The following COG5 variants were observed in gnomAD, a reference collection of about 807,000 sequenced individuals.
COG5 encodes the protein component of oligomeric golgi complex 5, also known as conserved oligomeric Golgi complex subunit 5.
A neutral mutation model predicts 110.4 loss-of-function variants in COG5; 86 were observed. The ratio of observed to expected loss-of-function variants is 0.78; its 90% CI spans 0.65 to 0.93. COG5 has a LOEUF of 0.93. Among genes scored for constraint, COG5 ranks in the 40% least tolerant of loss-of-function variants. The pLI is 0.00. For synonymous variants in COG5, 360 were observed against 334.6 expected (o/e 1.08, Z -0.83); for missense variants, 1,077 against 987.0 (o/e 1.09, Z -1.22).
chr7:107,209,821 CA>C, intron 21 of COG5: 4 of 985,420 alleles, frequency 4.1e-6, no homozygotes, highest in Non-Finnish European at 4.8e-6. Context: ...TATGAGTTTA[CA>C]GAAGGAAATG....
intron 8 of COG5, among the ~76,000 whole-genome samples, chr7:107,369,673 G>A (rs1813950954): frequency 6.6e-6 from 1 of 152,138 alleles, no homozygotes; most frequent in African/African-American, 2.4e-5. Context: ...ACAGGCATGA[G>A]CCAACACGCC....
intron 12 of COG5, among the ~76,000 whole-genome samples, chr7:107,297,281 C>G (rs1806833758): frequency 6.6e-6 from 1 of 152,012 alleles, no homozygotes; most frequent in South Asian, 2.1e-4. Flanking sequence ...TATAATAACT[C>G]TATGCATAGC....
intron 7 of COG5, among the ~76,000 whole-genome samples, chr7:107,406,920 A>T (rs1274202149): frequency 6.6e-6 from 1 of 152,194 alleles, no homozygotes; most frequent in East Asian, 1.9e-4. Flanking sequence ...ATGACATTGC[A>T]CTCCCTGAAA....
In COG5 at chr7:107,536,045, A is replaced by G. The variant is rs1378889416; in HGVS notation, c.418-8688T>C. Among the ~76,000 whole-genome samples, 5 of 152,374 alleles carry G rather than the reference A, an allele frequency of 3.3e-5. No homozygotes were observed. In the East Asian group the frequency reaches 9.6e-4, roughly 29 times the overall value. ...ATAATCCATCACATAAACAGAACCA[A>G]TGACAAAAACCACATGATTATCTCA... On this transcript the variant is annotated intron_variant, in intron 5 of 21. Coordinates refer to ENST00000297135, the MANE Select transcript of COG5 (RefSeq NM_006348.5).
At chr7:107,380,984 C>G (rs144939544) in intron 7 of COG5, among the ~76,000 whole-genome samples, 1 of 151,866 alleles carries the variant, frequency 6.6e-6, no homozygotes, top group African/African-American at 2.4e-5. Context: ...CTTCCACATA[C>G]GTAAATCAAT....
chr7:107,524,910 C>T (rs963625597), intron 6 of COG5, among the ~76,000 whole-genome samples: 1 of 151,994 alleles, frequency 6.6e-6, no homozygotes, highest in Non-Finnish European at 1.5e-5. Context: ...AATACTTGTG[C>T]CTGTTTTTTT....
intron 14 of COG5, among the ~76,000 whole-genome samples, chr7:107,273,968 GT>G (rs1312458099): frequency 6.6e-6 from 1 of 152,082 alleles, no homozygotes; most frequent in Non-Finnish European, 1.5e-5. Context: ...ATAGGAAAAA[GT>G]CTTTTGATTT....
intron 14 of COG5, among the ~76,000 whole-genome samples, chr7:107,269,303 G>A (rs113068521): frequency 0.025 from 3,844 of 151,950 alleles, 165 homozygotes; most frequent in African/African-American, 0.077. Context: ...GTGATACCCC[G>A]TCTCTACTAA....
intron 19 of COG5, among the ~76,000 whole-genome samples, chr7:107,220,041 A>C (rs1398708328): frequency 1.3e-5 from 2 of 152,200 alleles, no homozygotes; most frequent in East Asian, 3.8e-4. Flanking sequence ...GCATAGAGAA[A>C]TCCAGTAAAA....
chr7:107,241,654 G>A (rs1018408444), intron 17 of COG5, among the ~76,000 whole-genome samples: 7 of 151,810 alleles, frequency 4.6e-5, no homozygotes, highest in African/African-American at 9.7e-5. Flanking sequence ...GGGTTTCACC[G>A]TGTTAGCCAG....
At chr7:107,553,977 A>C (rs1280366417) in intron 3 of COG5, among the ~76,000 whole-genome samples, 1 of 152,220 alleles carries the variant, frequency 6.6e-6, no homozygotes, top group Non-Finnish European at 1.5e-5. Flanking sequence ...AAGAAAACTG[A>C]GGCAGAAAAG....
chr7:107,220,961 G>A (rs1027516081), intron 19 of COG5, among the ~76,000 whole-genome samples: 5 of 151,952 alleles, frequency 3.3e-5, no homozygotes, highest in Non-Finnish European at 5.9e-5. Flanking sequence ...GATGACAGGC[G>A]CCTGCCATCA....
At chr7:107,364,146 A>G (rs1813387365) in intron 8 of COG5, among the ~76,000 whole-genome samples, 1 of 152,198 alleles carries the variant, frequency 6.6e-6, no homozygotes, top group African/African-American at 2.4e-5. Flanking sequence ...TGTTTTCCTG[A>G]TATGATGTAA....
At chr7:107,313,139 CTG>C (rs1182299241) in intron 11 of COG5, among the ~76,000 whole-genome samples, 1 of 152,196 alleles carries the variant, frequency 6.6e-6, no homozygotes, top group Non-Finnish European at 1.5e-5. Flanking sequence ...GGTGGGAAGT[CTG>C]TGAATCTTTG....
At chr7:107,207,836 A>G in intron 21 of COG5, 1 of 985,492 alleles carries the variant, frequency 1.0e-6, no homozygotes, top group Non-Finnish European at 1.2e-6. Flanking sequence ...AGAAGAAAAC[A>G]GGAAGGCAGG....
At chr7:107,390,587 A>G (rs532345907) in intron 7 of COG5, among the ~76,000 whole-genome samples, 16 of 151,978 alleles carry the variant, frequency 1.1e-4, no homozygotes, top group African/African-American at 3.9e-4. Context: ...AAGCAACTTA[A>G]AACTAAAATT....
Position 107,248,307 on chromosome 7 carries a change from CA to C in COG5, c.1853+88del, listed in dbSNP as rs1375310214. On this transcript the variant is annotated intron_variant, in intron 17 of 21. Transcript: ENST00000297135. ...ACAAAAGGAACAAGGCCCTGGATGG[CA>C]GGGGGGCAGCTTAGGGAGTAAGCAT... 3.5e-6 allele frequency: 3 copies of C among 850,200 alleles called. No individual in the cohort carries two copies. The East Asian group carries it at 7.3e-5, about 21-fold the overall frequency. 52.7% of individuals were successfully genotyped at this position (850,200 alleles called of 1,614,324 possible). A position where few individuals can be genotyped will look rare whatever the true frequency, so the allele number is the denominator to read the frequency against.
At chr7:107,264,582 A>ACTTGCGAGGCTAAGGTGTGAGGATG (rs1803647153) in intron 14 of COG5, among the ~76,000 whole-genome samples, 1 of 152,008 alleles carries the variant, frequency 6.6e-6, no homozygotes, top group Non-Finnish European at 1.5e-5. Flanking sequence ...GGTCCCAGCT[A>ACTTGCGAGGCTAAGGTGTGAGGATG]CTTGCGAGGC....
chr7:107,331,895 A>G (rs967109091), intron 10 of COG5, among the ~76,000 whole-genome samples: 73 of 146,328 alleles, frequency 5.0e-4, no homozygotes, highest in Middle Eastern at 3.7e-3. Flanking sequence ...AGGCTGGAGT[A>G]CAGTGGCACG....
Sources: allele counts gnomAD v4.1 joint callset (sites outside exome capture counted in the v4.1 genomes callset), GRCh38; gene constraint gnomAD v4.1.1; transcripts MANE v1.5; gene names NCBI Gene and HGNC (gene_info 2026-07-23, HGNC 2026-07-21).